Variants in DHRS9 observed in about 807,000 individuals in gnomAD.
DHRS9 encodes the protein dehydrogenase/reductase SDR family member 9.
In DHRS9, 18 loss-of-function variants were observed where a neutral mutation model predicts 26.6. The observed-to-expected ratio is 0.68, with a 90% CI of 0.47 to 1.00. The LOEUF is 1.00. DHRS9 is among the 50% of genes least tolerant of loss of function. The probability of loss-of-function intolerance (pLI) is 0.00; values close to 1 mark genes in which losing one functional copy is unlikely to be tolerated. For missense variants in DHRS9, 425 were observed against 378.7 expected, an observed-to-expected ratio of 1.12 and a Z score of -1.01; for synonymous variants, 134 against 141.1, an observed-to-expected ratio of 0.95 and a Z score of 0.36.
chr2:169,094,611 G>T (rs2105306460), intron 4 of DHRS9, among the ~76,000 whole-genome samples: 1 of 151,520 alleles, frequency 6.6e-6, no homozygotes, highest in South Asian at 2.1e-4. Context: ...GAACTCCCTG[G>T]GATCAAGTGA....
Position 169,076,289 on chromosome 2 carries a change from T to A in DHRS9, c.-59-5234T>A, listed in dbSNP as rs77811831. Among the ~76,000 whole-genome samples the A allele has an allele frequency of 4.3e-3, 650 of 152,326 alleles. 11 individuals are homozygous for A. Among genetic ancestry groups the A allele is most frequent in the Admixed American group, 0.033 (497 of 15,290 alleles). ...CAGTGGGAGCCCCTTCCAGCTGACA[T>A]CTATGTACTAGTGATGTATCTCCAG... On this transcript the variant is annotated intron_variant, in intron 1 of 4. Transcript: ENST00000674881.
At chr2:169,067,079 A>G, upstream of DHRS9, 2 of 1,521,562 alleles carry the variant, frequency 1.3e-6, no homozygotes, top group Non-Finnish European at 1.8e-6. Flanking sequence ...AAGTCTTCAT[A>G]GCAGCTTATA....
intron 1 of DHRS9, chr2:169,072,624 G>A (rs751306522): frequency 1.8e-4 from 177 of 985,268 alleles, no homozygotes; most frequent in South Asian, 3.3e-4. Context: ...CAAGGAGAGC[G>A]CTCGAGTTGC....
At chr2:169,074,521 C>A in intron 1 of DHRS9, 2 of 884,152 alleles carry the variant, frequency 2.3e-6, no homozygotes, top group Non-Finnish European at 2.7e-6. Flanking sequence ...CAGAGGTAAC[C>A]ACAGCTGGCG....
Position 169,095,758 on chromosome 2 carries a change from G to A in DHRS9, c.951G>A (p.Lys317=). Residue 317 remains lysine, a synonymous_variant, in exon 5 of 5, where the codon AAG becomes AAA. Coordinates refer to ENST00000674881, the MANE Select transcript of DHRS9 (RefSeq NM_001376924.1). Reference sequence around the variant, plus strand: ...AGAAAGCAGAGCTGGCTAATCCCAAGGCAGTGTGACTCAGCTAACCACAAA... The same window carrying A: ...AGAAAGCAGAGCTGGCTAATCCCAAAGCAGTGTGACTCAGCTAACCACAAA... ...LKQKAELANP[K]AV 6.2e-7 allele frequency: 1 copy of A among 1,613,520 alleles called. No homozygotes were observed. The highest frequency in any genetic ancestry group is 8.5e-7 in the Non-Finnish European group (1 of 1,179,804).
In DHRS9 at chr2:169,083,318, C is replaced by A. The variant is rs200241158; in HGVS notation, c.314-11C>A. On this transcript the variant is annotated splice_polypyrimidine_tract_variant and intron_variant, in intron 2 of 4. Transcript: ENST00000674881. ...TCTTACCACACCTCTTTTCCTTCCT[C>A]TCTGTTCTAGGTCTCTGGGGTCTGA... is the stretch of plus-strand genomic sequence containing the variant. 6.2e-7 allele frequency: 1 copy of A among 1,611,632 alleles called. No individual in the cohort carries two copies. The highest frequency in any genetic ancestry group is 8.5e-7 in the Non-Finnish European group (1 of 1,178,024).
upstream of DHRS9, among the ~76,000 whole-genome samples, chr2:169,068,874 C>T (rs1299261811): frequency 1.3e-5 from 2 of 152,138 alleles, no homozygotes; most frequent in Non-Finnish European, 2.9e-5. Flanking sequence ...AGATTAGCAC[C>T]ATCTCCTCCC....
At chr2:169,074,157 C>T (rs2105280483) in intron 1 of DHRS9, 1 of 473,742 alleles carries the variant, frequency 2.1e-6, no homozygotes, top group East Asian at 1.5e-4. Flanking sequence ...AAGTGATTCA[C>T]CCTGCCATGA....
rs1274685845 is a variant in DHRS9, at chr2:169,084,093, C to G, written c.572+506C>G. On this transcript the variant is annotated intron_variant, in intron 3 of 4. Transcript: ENST00000674881. ...CAAATAAGTGAGAACATGGGAACTTCGTTTTTCTGTGCCTGGCTTGTTTTA... is the reference window on the plus strand; with the variant it reads ...CAAATAAGTGAGAACATGGGAACTTGGTTTTTCTGTGCCTGGCTTGTTTTA... Among the ~76,000 whole-genome samples, 6 of 152,126 alleles carry G rather than the reference C, an allele frequency of 3.9e-5. No individual in the cohort carries two copies. In the South Asian group the frequency reaches 1.2e-3, roughly 32 times the overall value.
intron 3 of DHRS9, among the ~76,000 whole-genome samples, chr2:169,084,485 A>G (rs180698507): frequency 6.6e-6 from 1 of 152,276 alleles, no homozygotes; most frequent in Non-Finnish European, 1.5e-5. Context: ...CTTTTCTCAC[A>G]TCATCATCAG....
rs572245972 is a variant in DHRS9, at chr2:169,079,601, C to A, written c.-59-1922C>A. ...GGGCGTGGTGGCTCACGCCTGTAAT[C>A]CCCGCACTTTGGGAGGCCGAGGCAG... On this transcript the variant is annotated intron_variant, in intron 1 of 4. Transcript: ENST00000674881. Among the ~76,000 whole-genome samples, 3 of 151,792 alleles carry A rather than the reference C, an allele frequency of 2.0e-5. No homozygotes were observed. In the South Asian group the frequency reaches 6.2e-4, roughly 32 times the overall value.
intron 3 of DHRS9, among the ~76,000 whole-genome samples, chr2:169,084,510 T>C (rs1684291735): frequency 6.6e-6 from 1 of 152,198 alleles, no homozygotes. Context: ...TGTTATTGCC[T>C]GTCTTTTGTA....
rs1280129988 is a variant in DHRS9, at chr2:169,095,555, C to G, written c.748C>G (p.Leu250Val). 2 of 1,613,572 alleles carry G rather than the reference C, an allele frequency of 1.2e-6. No individual in the cohort carries two copies. The highest frequency in any genetic ancestry group is 3.3e-5 in the Admixed American group (2 of 59,974). Residue 250 changes from leucine to valine, a missense_variant, in exon 5 of 5, where the codon CTG becomes GTG. Transcript: ENST00000674881. Reference protein sequence around the residue: ...EGYIEKSLDKLKGNKSYVNMD... With the variant: ...EGYIEKSLDKVKGNKSYVNMD... The stretch of plus-strand genomic sequence containing the variant: ...TTGTCTCTTTTTAGGTCTAGACAAA[C>G]TGAAAGGCAATAAATCCTATGTGAA...
At chr2:169,074,376 C>A in intron 1 of DHRS9, 1 of 985,392 alleles carries the variant, frequency 1.0e-6, no homozygotes, top group Non-Finnish European at 1.2e-6. Flanking sequence ...TGCTCTACTG[C>A]CTCGAGCCAA....
At chr2:169,095,055 A>C (rs1684651012) in intron 4 of DHRS9, among the ~76,000 whole-genome samples, 1 of 152,224 alleles carries the variant, frequency 6.6e-6, no homozygotes, top group Non-Finnish European at 1.5e-5. Context: ...GCACATGTGC[A>C]ACCCACATTT....
At chr2:169,067,978 T>G (rs376611010), upstream of DHRS9, among the ~76,000 whole-genome samples, 59 of 152,350 alleles carry the variant, frequency 3.9e-4, no homozygotes, top group South Asian at 6.0e-3. Context: ...ACATTTGACT[T>G]TTTTTAAGTC....
At chr2:169,095,503 C>A (rs1247598032) in intron 4 of DHRS9, 41 bp from the exon 5 acceptor site, 3 of 1,543,156 alleles carry the variant, frequency 1.9e-6, no homozygotes, top group Non-Finnish European at 2.7e-6. Context: ...CTCTGCTTTC[C>A]CCTTCTACCA....
chr2:169,078,751 C>T (rs926753779), intron 1 of DHRS9, among the ~76,000 whole-genome samples: 20 of 149,900 alleles, frequency 1.3e-4, no homozygotes, highest in African/African-American at 4.9e-4. Flanking sequence ...AGCTATACCA[C>T]AAGAATCAAG....
intron 1 of DHRS9, among the ~76,000 whole-genome samples, chr2:169,075,101 T>C (rs144923071): frequency 1.3e-3 from 204 of 152,304 alleles, no homozygotes; most frequent in African/African-American, 4.6e-3. Context: ...ACAGGCAATG[T>C]GGTATACAAG....
Sources: gnomAD v4.1 joint callset for allele counts (sites outside exome capture counted in the v4.1 genomes callset) on GRCh38, gnomAD v4.1.1 for gene constraint, MANE v1.5 for transcripts, NCBI Gene and HGNC (gene_info 2026-07-23, HGNC 2026-07-21) for gene names.